DDB1: variants seen among roughly 807,000 people sequenced by gnomAD.
DDB1 encodes DNA damage-binding protein 1.
A neutral mutation model predicts 133.1 loss-of-function variants in DDB1; 18 were observed. The observed-to-expected ratio is 0.14, with a 90% CI of 0.09 to 0.20. The LOEUF (loss-of-function observed/expected upper bound fraction) is 0.20, where lower values mean the gene tolerates loss of function less well. DDB1 is among the 10% of genes least tolerant of loss of function. The pLI is 1.00. For synonymous variants in DDB1, 580 were observed against 550.5 expected, an observed-to-expected ratio of 1.05 and a Z score of -0.75; for missense variants, 828 against 1,459.2, an observed-to-expected ratio of 0.57 and a Z score of 7.05.
intron 10 of DDB1, 59 bp downstream of exon 10, chr11:61,321,536 G>C: frequency 6.5e-7 from 1 of 1,537,776 alleles, no homozygotes; most frequent in Non-Finnish European, 9.0e-7. Context: ...TTCACAACAT[G>C]TAACAAGGCC....
intron 25 of DDB1, chr11:61,301,384 G>C (rs1855791373): frequency 6.5e-6 from 1 of 153,524 alleles, no homozygotes; most frequent in Non-Finnish European, 1.4e-5. Context: ...GCAACATCAT[G>C]AACTCCTGTC....
At position 61,300,951 on chromosome 11, in the gene DDB1, G is replaced by C. The variant is rs768142653; in HGVS notation, c.3216-19C>G. On this transcript the variant is annotated intron_variant, in intron 25 of 26. Coordinates refer to ENST00000301764, the MANE Select transcript of DDB1 (RefSeq NM_001923.5). ...TCTCCAGGTGGATGGGTGAGTTAAG[G>C]AACACGTGCTTATCAGGAAACACCC... 1.7e-5 allele frequency: 27 copies of C among 1,613,626 alleles called. No homozygotes were observed. The African/African-American group carries it at 3.1e-4, about 18-fold the overall frequency.
intron 19 of DDB1, 45 bp from the exon 20 acceptor site, chr11:61,310,005 CT>C (rs766890744): frequency 1.2e-5 from 20 of 1,612,538 alleles, no homozygotes; most frequent in Non-Finnish European, 1.7e-5. Flanking sequence ...TTACCCATAT[CT>C]GCACGCACAC....
intron 23 of DDB1, 75 bp from the exon 24 acceptor site, chr11:61,302,826 T>C: frequency 1.3e-6 from 2 of 1,571,838 alleles, no homozygotes; most frequent in Non-Finnish European, 1.7e-6. Context: ...CCACGTGCAG[T>C]GGTCACGGTG....
intron 1 of DDB1, 59 bp downstream of exon 1, chr11:61,332,849 A>C (rs1856427650): frequency 5.2e-6 from 7 of 1,349,828 alleles, no homozygotes; most frequent in African/African-American, 1.6e-5. Context: ...GGGCCTCCCT[A>C]GGCCGCGGCT....
At position 61,304,030 on chromosome 11, in the gene DDB1, C is replaced by G. The variant is rs1159285940; in HGVS notation, c.2667G>C (p.Arg889=). The G allele has an allele frequency of 2.5e-6, 4 of 1,613,828 alleles. No homozygotes were observed. Among genetic ancestry groups the G allele is most frequent in the African/African-American group, 2.7e-5 (2 of 75,010 alleles). The stretch of plus-strand genomic sequence containing the variant: ...CCTTCTCTGTTGTCCACTCATAGAG[C>G]CGCACCTGGGAAGGGCATTGTCTCT... The part of the protein sequence containing the change: ...KLLASINSTV[R]LYEWTTEKEL... Residue 889 remains arginine, a synonymous_variant, in exon 22 of 27, where the codon CGG becomes CGC. Transcript: ENST00000301764.
At chr11:61,325,744 C>T (rs1856259145) in intron 5 of DDB1, 36 bp from the exon 6 acceptor site, 3 of 1,548,042 alleles carry the variant, frequency 1.9e-6, no homozygotes, top group Non-Finnish European at 2.7e-6. Flanking sequence ...ATGCTCAGCA[C>T]TCTGGGTCTG....
chr11:61,304,271 T>C (rs1040427033), intron 21 of DDB1, among the ~76,000 whole-genome samples: 8 of 152,110 alleles, frequency 5.3e-5, no homozygotes, highest in Admixed American at 2.0e-4. Context: ...AGTTTTCCTT[T>C]ACATAAAAAA....
Position 61,314,335 on chromosome 11 carries a change from A to G in DDB1, c.1562T>C (p.Ile521Thr). 1 of 1,613,602 alleles carries G rather than the reference A, an allele frequency of 6.2e-7. No individual in the cohort carries two copies. The highest frequency in any genetic ancestry group is 8.5e-7 in the Non-Finnish European group (1 of 1,179,816). The change falls in exon 13 of 27, where the codon ATC becomes ACC. Residue 521 changes from isoleucine (I) to threonine (T), a missense_variant. Ile to Thr is a moderately conservative substitution (Grantham distance 89). This residue lies in a region of DDB1 where 396 missense variants were observed against 554.1 expected (regional missense o/e 0.71). Transcript: ENST00000301764. ...AVGRALYYLQ[I>T]HPQELRQISH... ...GATCTGCCGGAGCTCCTGAGGATGG[A>G]TCTGCAGATAGTAGAGGGCCCTGCC...
intron 5 of DDB1, chr11:61,326,337 A>G (rs1173361967): frequency 2.0e-5 from 4 of 200,136 alleles, no homozygotes; most frequent in African/African-American, 9.7e-5. Flanking sequence ...TTTTTTTTTT[A>G]AAGAGATGGG....
chr11:61,327,545 C>T (rs1856290246), intron 4 of DDB1: 1 of 152,298 alleles, frequency 6.6e-6, no homozygotes, highest in African/African-American at 2.4e-5. Context: ...TGATAAGCTA[C>T]ACCTATGAGA....
At chr11:61,316,988 T>TGG (rs1856094630) in intron 10 of DDB1, among the ~76,000 whole-genome samples, 1 of 77,114 alleles carries the variant, frequency 1.3e-5, no homozygotes, top group Non-Finnish European at 3.0e-5. Flanking sequence ...TATATATATA[T>TGG]ATATATATAT....
At chr11:61,314,986 T>G (rs1290332622) in intron 12 of DDB1, 2 of 152,322 alleles carry the variant, frequency 1.3e-5, no homozygotes, top group Non-Finnish European at 2.9e-5. Context: ...CATGCCACCA[T>G]GCCTGGTTAA....
Position 61,300,055 on chromosome 11 carries a change from G to T in DDB1, c.*81C>A. The T allele has an allele frequency of 6.9e-7, 1 of 1,456,574 alleles. No individual in the cohort carries two copies. The highest frequency in any genetic ancestry group is 9.6e-7 in the Non-Finnish European group (1 of 1,041,522). The allele number at this position is 1,456,574 out of a possible 1,614,324, so 90.2% of individuals were successfully genotyped here. On this transcript the variant is annotated 3_prime_UTR_variant, in exon 27 of 27. Coordinates refer to ENST00000301764, the MANE Select transcript of DDB1 (RefSeq NM_001923.5). ...TTAGGGAAAGGCCTCCCATGGCCAA[G>T]AAGACGATGGTGGAGAGGAGGGGGA...
rs763865068 is a variant in DDB1, at chr11:61,312,001, T to C, written c.2153A>G (p.Tyr718Cys). 1.6e-5 allele frequency: 26 copies of C among 1,614,008 alleles called. No homozygotes were observed. The highest frequency in any genetic ancestry group is 5.3e-5 in the African/African-American group (4 of 74,912). Residue 718 changes from tyrosine (Y) to cysteine (C), a missense_variant, in exon 17 of 27, where the codon TAT (tyrosine) becomes TGT (cysteine). Tyr to Cys is a radical substitution (Grantham distance 194, BLOSUM62 -2). Transcript: ENST00000301764. ...QKLHIRTVPL[Y>C]ESPRKICYQE... is the part of the protein sequence containing the mutation. ...CCCTGGGCCTCACCTTGGAGACTCA[T>C]AGAGGGGAACTGTGCGAATGTGCAG...
At chr11:61,313,379 A>G (rs1856010572) in intron 16 of DDB1, 120 bp downstream of exon 16, 13 of 937,514 alleles carry the variant, frequency 1.4e-5, no homozygotes, top group East Asian at 7.6e-5. Flanking sequence ...CCTCTGCACT[A>G]TACTTCCCAT....
rs1008285176 is a variant in DDB1, at chr11:61,314,177, C to T, written c.1623G>A (p.Leu541=). 33 of 1,609,278 alleles carry T rather than the reference C, an allele frequency of 2.1e-5. No homozygotes were observed. The highest frequency in any genetic ancestry group is 2.6e-5 in the Non-Finnish European group (31 of 1,177,764). ...HTEMEHEVAC[L]DITPLGDSNG... ...TGCTGTCTCCTAATGGGGTGATGTC[C>T]AAGCAAGCCACTTCATGTTCCATCT... The change falls in exon 14 of 27, where the codon TTG becomes TTA. Residue 541 remains leucine (L), a synonymous_variant. Coordinates refer to ENST00000301764, the MANE Select transcript of DDB1 (RefSeq NM_001923.5).
rs1227013111 is a variant in DDB1 at position 61,300,121 on chromosome 11, G to A, written c.*15C>T. The A allele has an allele frequency of 6.2e-7, 1 of 1,613,456 alleles. No homozygotes were observed. The highest frequency in any genetic ancestry group is 1.1e-5 in the South Asian group (1 of 91,042). On this transcript the variant is annotated 3_prime_UTR_variant, in exon 27 of 27. Coordinates refer to ENST00000301764, the MANE Select transcript of DDB1 (RefSeq NM_001923.5). ...GCCTTTGGGGAGGGTCAGCAAAGGG[G>A]CCCCCTGCCCTTGGCTAATGGATCC...
chr11:61,323,817 C>T (rs1763524746), intron 7 of DDB1, 162 bp downstream of exon 7: 2 of 708,272 alleles, frequency 2.8e-6, no homozygotes, highest in Non-Finnish European at 4.8e-6. Flanking sequence ...TGAGATGCTC[C>T]AATACCTAAC....
Sources: gnomAD v4.1 joint callset for allele counts (sites outside exome capture counted in the v4.1 genomes callset) on GRCh38, gnomAD v4.1.1 for gene constraint, gnomAD v4.1.1 regional missense constraint, MANE v1.5 for transcripts, NCBI Gene and HGNC (gene_info 2026-07-23, HGNC 2026-07-21) for gene names.